The following NRXN1 variants were observed in gnomAD, a reference collection of about 807,000 sequenced individuals.
NRXN1 encodes the protein neurexin 1.
In NRXN1, 39 loss-of-function variants were observed where a neutral mutation model predicts 150.9. That is an observed-to-expected ratio of 0.26 (90% CI 0.20 to 0.34). The LOEUF (loss-of-function observed/expected upper bound fraction) is 0.34. NRXN1 is among the 10% of genes least tolerant of loss of function. The pLI is 1.00. For missense variants in NRXN1, 1,815 were observed against 1,949.9 expected, an observed-to-expected ratio of 0.93 and a Z score of 1.30; for synonymous variants, 924 against 757.0, an observed-to-expected ratio of 1.22 and a Z score of -3.62.
At chr2:50,112,412 G>C (rs976000785) in intron 18 of NRXN1, among the ~76,000 whole-genome samples, 1 of 152,134 alleles carries the variant, frequency 6.6e-6, no homozygotes, top group African/African-American at 2.4e-5. Flanking sequence ...TGGTCCCTTC[G>C]TTGTTCAGCC....
chr2:50,621,009 C>G, intron 7 of NRXN1: 1 of 511,698 alleles, frequency 2.0e-6, no homozygotes, highest in Non-Finnish European at 3.5e-6. Context: ...GATGCCCCTA[C>G]AGGTGAGTTG....
chr2:50,676,293 C>T (rs552558457), intron 5 of NRXN1, among the ~76,000 whole-genome samples: 21 of 152,054 alleles, frequency 1.4e-4, no homozygotes, highest in Non-Finnish European at 2.2e-4. Context: ...TATAGAACCA[C>T]GAGCAAAATA....
intron 5 of NRXN1, among the ~76,000 whole-genome samples, chr2:50,843,593 G>A (rs1456708991): frequency 6.6e-6 from 1 of 152,114 alleles, no homozygotes; most frequent in Non-Finnish European, 1.5e-5. Flanking sequence ...ATTGGTAATG[G>A]GTGGAAGCCC....
chr2:50,430,934 T>G (rs76228450), intron 17 of NRXN1, among the ~76,000 whole-genome samples: 2,839 of 152,236 alleles, frequency 0.019, 81 homozygotes, highest in African/African-American at 0.066. Context: ...GAAAATACAC[T>G]AATGCCTCAT....
At chr2:50,156,515 A>T (rs1276927219) in intron 18 of NRXN1, among the ~76,000 whole-genome samples, 1 of 151,974 alleles carries the variant, frequency 6.6e-6, no homozygotes, top group East Asian at 1.9e-4. Flanking sequence ...ATGTTCAAAC[A>T]TGTGCATGAA....
At chr2:49,923,277 GAGA>G (rs764766764) in intron 22 of NRXN1, among the ~76,000 whole-genome samples, 2 of 152,158 alleles carry the variant, frequency 1.3e-5, no homozygotes, top group East Asian at 1.9e-4. Context: ...ACTGTAGCGA[GAGA>G]AGAAGATTCT....
At chr2:50,522,720 A>ATTTTTTTTTTTTT (rs869200431) in intron 12 of NRXN1, among the ~76,000 whole-genome samples, 4 of 47,720 alleles carry the variant, frequency 8.4e-5, no homozygotes, top group Admixed American at 3.4e-4. Context: ...ATTTTTATTC[A>ATTTTTTTTTTTTT]TTTTTTTTTT....
chr2:50,096,341 A>G (rs961025747), intron 18 of NRXN1, among the ~76,000 whole-genome samples: 2 of 152,198 alleles, frequency 1.3e-5, no homozygotes, highest in South Asian at 4.1e-4. Flanking sequence ...GAAACTATAG[A>G]TATTCTTACA....
intron 17 of NRXN1, among the ~76,000 whole-genome samples, chr2:50,391,008 T>C (rs1008856187): frequency 4.6e-5 from 7 of 152,148 alleles, no homozygotes; most frequent in African/African-American, 1.7e-4. Context: ...ATGTCATTTA[T>C]TCTAATATGC....
chr2:50,689,854 TTGTGTGTGTGTGTG>T (rs796892350), intron 5 of NRXN1, among the ~76,000 whole-genome samples: 25 of 135,340 alleles, frequency 1.8e-4, no homozygotes, highest in Admixed American at 6.6e-4. Flanking sequence ...TTTTGCTTAT[TTGTGTGTGTGTGTG>T]TGTGTGTGTG....
chr2:50,743,409 A>G (rs1699672378), intron 5 of NRXN1, among the ~76,000 whole-genome samples: 1 of 152,148 alleles, frequency 6.6e-6, no homozygotes. Context: ...TTGTCAGAAA[A>G]TATTTCAAAT....
At chr2:50,586,346 AATT>A (rs1342300824) in intron 8 of NRXN1, among the ~76,000 whole-genome samples, 2 of 152,066 alleles carry the variant, frequency 1.3e-5, no homozygotes, top group Non-Finnish European at 2.9e-5. Flanking sequence ...ACATGTACTT[AATT>A]ATTTCCACAG....
chr2:50,156,593 A>T (rs929017593), intron 18 of NRXN1, among the ~76,000 whole-genome samples: 1 of 151,984 alleles, frequency 6.6e-6, no homozygotes, highest in Non-Finnish European at 1.5e-5. Context: ...AATAACATTA[A>T]GGAGAAAAGC....
At chr2:50,765,953 T>G (rs1702334696) in intron 5 of NRXN1, among the ~76,000 whole-genome samples, 1 of 152,022 alleles carries the variant, frequency 6.6e-6, no homozygotes, top group African/African-American at 2.4e-5. Flanking sequence ...AGTGACTGAT[T>G]GGTTTTTATG....
At chr2:51,006,014 T>C (rs1000079249) in intron 2 of NRXN1, among the ~76,000 whole-genome samples, 1 of 151,644 alleles carries the variant, frequency 6.6e-6, no homozygotes, top group African/African-American at 2.4e-5. Flanking sequence ...AAACAGACTT[T>C]AGGTCAAAAG....
At chr2:50,154,899 T>C (rs2058920901) in intron 18 of NRXN1, among the ~76,000 whole-genome samples, 2 of 151,676 alleles carry the variant, frequency 1.3e-5, no homozygotes, top group Admixed American at 6.6e-5. Context: ...GTAAGCATTT[T>C]AATGTATTAA....
At chr2:49,979,930 C>A (rs962574940) in intron 21 of NRXN1, among the ~76,000 whole-genome samples, 3 of 124,908 alleles carry the variant, frequency 2.4e-5, no homozygotes, top group African/African-American at 9.0e-5. Flanking sequence ...CTACTGTATT[C>A]TTGTGGGTTT....
At chr2:50,993,309 A>G (rs1180343106) in intron 2 of NRXN1, among the ~76,000 whole-genome samples, 1 of 151,972 alleles carries the variant, frequency 6.6e-6, no homozygotes, top group African/African-American at 2.4e-5. Context: ...GCACATTTAT[A>G]TAGTTAGCCT....
At chr2:50,646,932 T>C (rs1684900083) in intron 5 of NRXN1, among the ~76,000 whole-genome samples, 1 of 151,780 alleles carries the variant, frequency 6.6e-6, no homozygotes, top group Admixed American at 6.6e-5. Flanking sequence ...ACTATGCCTG[T>C]GAATACAGAG....
Sources: gnomAD v4.1 joint callset for allele counts (sites outside exome capture counted in the v4.1 genomes callset) on GRCh38, gnomAD v4.1.1 for gene constraint, MANE v1.5 for transcripts, NCBI Gene and HGNC (gene_info 2026-07-23, HGNC 2026-07-21) for gene names.